The following ADAMTSL1 variants were observed in gnomAD, a reference collection of about 807,000 sequenced individuals.
ADAMTSL1 encodes the protein ADAMTS-like protein 1.
A neutral mutation model predicts 201.8 loss-of-function variants in ADAMTSL1; 126 were observed. The observed-to-expected ratio is 0.62, with a 90% CI of 0.54 to 0.72. The LOEUF is 0.72. Among genes scored for constraint, ADAMTSL1 ranks in the 30% least tolerant of loss-of-function variants. The probability of loss-of-function intolerance (pLI) is 0.00; values close to 1 mark genes in which losing one functional copy is unlikely to be tolerated. For synonymous variants in ADAMTSL1, 1,121 were observed against 903.4 expected, an observed-to-expected ratio of 1.24 and a Z score of -4.32; for missense variants, 2,679 against 2,277.8, an observed-to-expected ratio of 1.18 and a Z score of -3.59.
intron 1 of ADAMTSL1, among the ~76,000 whole-genome samples, chr9:18,094,403 G>A (rs768517827): frequency 3.9e-5 from 6 of 152,134 alleles, no homozygotes; most frequent in Non-Finnish European, 8.8e-5. Context: ...TATGTGTGTA[G>A]TATTACAGTT....
At chr9:18,639,224 T>C in intron 6 of ADAMTSL1, 30 bp from the exon 7 acceptor site, 4 of 1,610,782 alleles carry the variant, frequency 2.5e-6, no homozygotes, top group Non-Finnish European at 3.4e-6. Flanking sequence ...GGAACATCTT[T>C]CTCTCATCTT....
At chr9:18,188,099 C>CA (rs1563795902) in intron 2 of ADAMTSL1, among the ~76,000 whole-genome samples, 1 of 151,840 alleles carries the variant, frequency 6.6e-6, no homozygotes, top group Admixed American at 6.6e-5. Context: ...CCTTGAGGCA[C>CA]AAAAAAAGAG....
chr9:18,073,978 ATT>A (rs11353443), intron 1 of ADAMTSL1, among the ~76,000 whole-genome samples: 11 of 150,750 alleles, frequency 7.3e-5, no homozygotes, highest in Admixed American at 2.6e-4. Flanking sequence ...TGTAAAACTG[ATT>A]TTTTTTTTTC....
intron 1 of ADAMTSL1, among the ~76,000 whole-genome samples, chr9:17,963,876 C>A (rs560284616): frequency 2.6e-5 from 4 of 152,140 alleles, no homozygotes; most frequent in African/African-American, 9.7e-5. Context: ...AAAACGGAAT[C>A]CTCAGTGACA....
chr9:18,325,638 C>G (rs1001377440), intron 2 of ADAMTSL1, among the ~76,000 whole-genome samples: 6 of 152,146 alleles, frequency 3.9e-5, no homozygotes, highest in African/African-American at 1.4e-4. Flanking sequence ...AGGTGCTAGC[C>G]TCTGATCTGG....
intron 9 of ADAMTSL1, among the ~76,000 whole-genome samples, chr9:18,671,146 T>C (rs1380404087): frequency 1.3e-5 from 2 of 152,166 alleles, no homozygotes; most frequent in Non-Finnish European, 1.5e-5. Context: ...GTTGAATCCG[T>C]GGACGCAGGA....
chr9:18,837,742 T>A (rs1825406885), intron 23 of ADAMTSL1, among the ~76,000 whole-genome samples: 1 of 152,216 alleles, frequency 6.6e-6, no homozygotes, highest in Non-Finnish European at 1.5e-5. Flanking sequence ...GCTTTCATAT[T>A]ACAACAGCAG....
intron 2 of ADAMTSL1, among the ~76,000 whole-genome samples, chr9:18,334,472 T>G (rs1408425573): frequency 6.6e-6 from 1 of 152,216 alleles, no homozygotes; most frequent in African/African-American, 2.4e-5. Flanking sequence ...TTGTTTAAAG[T>G]GCTGCTGTTT....
chr9:17,989,468 A>T (rs908231382), intron 1 of ADAMTSL1, among the ~76,000 whole-genome samples: 1 of 152,022 alleles, frequency 6.6e-6, no homozygotes, highest in Admixed American at 6.6e-5. Context: ...CACTGCATTG[A>T]TAAAAAAATC....
intron 2 of ADAMTSL1, among the ~76,000 whole-genome samples, chr9:18,324,913 T>C (rs1834769254): frequency 6.6e-6 from 1 of 152,088 alleles, no homozygotes; most frequent in African/African-American, 2.4e-5. Context: ...AATAATGAGG[T>C]AACCCAATTT....
In ADAMTSL1 at chr9:17,959,603, C is replaced by T. The variant is rs138233635; in HGVS notation, c.87+52681C>T. ...CCTCCCAAGTAGCTGGAATTACAGG[C>T]GCCTGCCACCATGCCTGGCTAATTT... On this transcript the variant is annotated intron_variant, in intron 1 of 29. Coordinates refer to the ADAMTSL1 transcript ENST00000680146. Among the ~76,000 whole-genome samples the T allele has an allele frequency of 9.3e-3, 1,417 of 152,040 alleles. 11 individuals carry two copies. Among genetic ancestry groups the T allele is most frequent in the African/African-American group, 0.015 (612 of 41,498 alleles).
intron 1 of ADAMTSL1, among the ~76,000 whole-genome samples, chr9:17,948,715 A>G (rs566999198): frequency 1.3e-5 from 2 of 152,218 alleles, no homozygotes; most frequent in Non-Finnish European, 2.9e-5. Flanking sequence ...TGTGATGTTA[A>G]AAGAAACTGG....
intron 16 of ADAMTSL1, among the ~76,000 whole-genome samples, chr9:18,758,354 T>C (rs1819887183): frequency 6.6e-6 from 1 of 152,244 alleles, no homozygotes; most frequent in South Asian, 2.1e-4. Context: ...CATCTGTACG[T>C]TGGCTTCCTA....
chr9:18,302,737 G>A (rs773736299), intron 2 of ADAMTSL1, among the ~76,000 whole-genome samples: 1 of 152,084 alleles, frequency 6.6e-6, no homozygotes, highest in Non-Finnish European at 1.5e-5. Context: ...TCTTACTAAT[G>A]CTTAATGGTA....
At position 18,005,946 on chromosome 9, in the gene ADAMTSL1, T is replaced by G. The variant is rs369886502; in HGVS notation, c.87+99024T>G. Among the ~76,000 whole-genome samples the G allele has an allele frequency of 1.9e-4, 29 of 152,118 alleles. No homozygotes were observed. In the East Asian group the frequency reaches 3.3e-3, roughly 17 times the overall value. On this transcript the variant is annotated intron_variant, in intron 1 of 29. Coordinates refer to the ADAMTSL1 transcript ENST00000680146. The stretch of plus-strand genomic sequence containing the variant: ...TCTTCTACCAGTCATAAAATCTATC[T>G]CATAGACTTATTGATATGTGGGAGA...
At chr9:18,554,874 G>C (rs10756974) in intron 3 of ADAMTSL1, among the ~76,000 whole-genome samples, 54,850 of 151,446 alleles carry the variant, frequency 0.36, 10,189 homozygotes, top group East Asian at 0.6. Context: ...ATTGACACAT[G>C]ATCAGCTAAA....
rs548597768 is a variant in ADAMTSL1, at chr9:18,044,690, C to G, written c.88-119172C>G. On this transcript the variant is annotated intron_variant, in intron 1 of 29. Transcript: ENST00000680146. The stretch of plus-strand genomic sequence containing the variant: ...GCCAGAATATTCAGTGATCTCAGTT[C>G]TAAAATTATAGAACCAGAGACTTTT... Among the ~76,000 whole-genome samples, 10 of 152,234 alleles carry G rather than the reference C, an allele frequency of 6.6e-5. 1 individual carries two copies. The highest frequency in any genetic ancestry group is 2.4e-4 in the African/African-American group (10 of 41,560).
rs1436374928 is a variant in ADAMTSL1, at chr9:18,020,019, T to C, written c.87+113097T>C. Among the ~76,000 whole-genome samples, 3 of 152,230 alleles carry C rather than the reference T, an allele frequency of 2.0e-5. No homozygotes were observed. In the East Asian group the frequency reaches 5.8e-4, roughly 30 times the overall value. ...ACACAAATGTGTACATTGGTTATCCTGTGCCTTCTTCAACACTATTATTTT... is the reference window on the plus strand; with the variant it reads ...ACACAAATGTGTACATTGGTTATCCCGTGCCTTCTTCAACACTATTATTTT... On this transcript the variant is annotated intron_variant, in intron 1 of 29. Transcript: ENST00000680146.
chr9:18,697,816 A>G (rs1831647992), intron 13 of ADAMTSL1, among the ~76,000 whole-genome samples: 1 of 152,186 alleles, frequency 6.6e-6, no homozygotes, highest in Non-Finnish European at 1.5e-5. Context: ...AGATTGGAAG[A>G]CGATAGGGTT....
Sources: allele counts gnomAD v4.1 joint callset (sites outside exome capture counted in the v4.1 genomes callset), GRCh38; gene constraint gnomAD v4.1.1; transcripts MANE v1.5; gene names NCBI Gene and HGNC (gene_info 2026-07-23, HGNC 2026-07-21).